ANO3: variants seen among roughly 807,000 people sequenced by gnomAD.
The protein encoded by ANO3 is anoctamin-3.
In ANO3, 99 loss-of-function variants were observed where a neutral mutation model predicts 144.8. That is an observed-to-expected ratio of 0.68 (90% CI 0.58 to 0.81). The LOEUF (loss-of-function observed/expected upper bound fraction) is 0.81. Among genes scored for constraint, ANO3 ranks in the 30% least tolerant of loss-of-function variants. The probability of loss-of-function intolerance (pLI) is 0.00; values close to 1 mark genes in which losing one functional copy is unlikely to be tolerated. For missense variants in ANO3, 905 were observed against 1,202.2 expected (o/e 0.75, Z 3.66); for synonymous variants, 414 against 392.6 (o/e 1.05, Z -0.64).
chr11:26,387,608 A>G (rs944804690), intron 1 of ANO3, among the ~76,000 whole-genome samples: 8 of 151,712 alleles, frequency 5.3e-5, no homozygotes, highest in Admixed American at 1.3e-4. Flanking sequence ...TATGTCCTGT[A>G]TGTTATTTTT....
chr11:26,595,588 T>G (rs1851600441), intron 14 of ANO3, among the ~76,000 whole-genome samples: 1 of 149,208 alleles, frequency 6.7e-6, no homozygotes, highest in South Asian at 2.2e-4. Flanking sequence ...CACAAGAGTC[T>G]CCCTATCAAT....
rs913955227 is a variant in ANO3 at position 26,363,436 on chromosome 11, C to T, written c.46+31115C>T. Among the ~76,000 whole-genome samples, 8 of 150,548 alleles carry T rather than the reference C, an allele frequency of 5.3e-5. No homozygotes were observed. The East Asian group carries it at 9.7e-4, about 18-fold the overall frequency. On this transcript the variant is annotated intron_variant, in intron 1 of 26. Transcript: ENST00000256737. ...TTTCTCTGGGGGCCTCTCTCCTTGA[C>T]GTGCAGATGCCTCTTGTCTTGTCAT...
At chr11:26,649,289 G>A (rs933300066) in intron 24 of ANO3, among the ~76,000 whole-genome samples, 13 of 152,068 alleles carry the variant, frequency 8.5e-5, no homozygotes, top group African/African-American at 3.1e-4. Flanking sequence ...AGTAGAATCT[G>A]ACTTTTTTGA....
At chr11:26,348,948 T>C (rs1390098357) in intron 1 of ANO3, among the ~76,000 whole-genome samples, 2 of 152,166 alleles carry the variant, frequency 1.3e-5, no homozygotes, top group Admixed American at 6.5e-5. Flanking sequence ...AAGGTTGTGG[T>C]TGATGTTGTG....
intron 8 of ANO3, among the ~76,000 whole-genome samples, chr11:26,534,224 T>C (rs1462529159): frequency 1.3e-5 from 2 of 152,242 alleles, no homozygotes. Context: ...CCTTGTTCCA[T>C]GTGAAATAAG....
At chr11:26,537,483 C>T (rs369057298) in intron 10 of ANO3, 22 bp downstream of exon 10, 26 of 1,599,596 alleles carry the variant, frequency 1.6e-5, no homozygotes, top group Admixed American at 8.3e-5. Context: ...ATACAGTTTC[C>T]GCTTTATAAA....
intron 17 of ANO3, among the ~76,000 whole-genome samples, chr11:26,615,414 A>ATTTTTTT (rs66840659): frequency 2.3e-5 from 3 of 130,696 alleles, no homozygotes; most frequent in African/African-American, 8.9e-5. Context: ...ATATATATAT[A>ATTTTTTT]TTTTTTTTTT....
intron 1 of ANO3, among the ~76,000 whole-genome samples, chr11:26,204,703 G>A (rs957602572): frequency 3.7e-4 from 56 of 152,122 alleles, no homozygotes; most frequent in Non-Finnish European, 3.2e-4. Context: ...GAGGTGTATG[G>A]CGTATACAGC....
intron 4 of ANO3, among the ~76,000 whole-genome samples, chr11:26,506,459 A>T (rs1202421326): frequency 1.3e-5 from 2 of 152,236 alleles, no homozygotes; most frequent in South Asian, 2.1e-4. Context: ...TGCATAGTAC[A>T]TAGTAAGTAT....
intron 1 of ANO3, among the ~76,000 whole-genome samples, chr11:26,356,144 T>C (rs939376857): frequency 2.0e-5 from 3 of 152,172 alleles, no homozygotes; most frequent in Non-Finnish European, 4.4e-5. Context: ...ATTCCACTCA[T>C]CTATATATTC....
At chr11:26,402,119 T>C (rs1565003879) in intron 1 of ANO3, among the ~76,000 whole-genome samples, 1 of 152,074 alleles carries the variant, frequency 6.6e-6, no homozygotes, top group African/African-American at 2.4e-5. Flanking sequence ...CATGCGTATG[T>C]CTTTATATTA....
intron 1 of ANO3, among the ~76,000 whole-genome samples, chr11:26,263,330 G>A (rs1197720738): frequency 6.6e-6 from 1 of 152,178 alleles, no homozygotes; most frequent in Non-Finnish European, 1.5e-5. Flanking sequence ...AGAAACCAGA[G>A]GATTTACCTT....
At position 26,391,151 on chromosome 11, in the gene ANO3, T is replaced by G. The variant is rs190754218; in HGVS notation, c.47-50767T>G. ...TCTTACAGTTCTGAAGACTAGGAAG[T>G]CCAAGGTCAAGAAGCTACATCTAAT... On this transcript the variant is annotated intron_variant, in intron 1 of 26. Transcript: ENST00000256737. Among the ~76,000 whole-genome samples, 307 of 152,134 alleles carry G rather than the reference T, an allele frequency of 2.0e-3. 6 individuals carry two copies. The highest frequency in any genetic ancestry group is 0.017 in the Admixed American group (261 of 15,252).
chr11:26,311,880 A>T (rs1420903755), intron 1 of ANO3, among the ~76,000 whole-genome samples: 5 of 152,118 alleles, frequency 3.3e-5, no homozygotes, highest in Non-Finnish European at 7.4e-5. Flanking sequence ...TTTAAGTTCT[A>T]GGGTACATGT....
intron 4 of ANO3, among the ~76,000 whole-genome samples, chr11:26,504,647 A>G (rs1861341982): frequency 6.6e-6 from 1 of 152,172 alleles, no homozygotes. Context: ...TCTAGAGGAG[A>G]GGAGTTACAT....
At position 26,531,456 on chromosome 11, in the gene ANO3, GTA is replaced by G. The variant is rs897426516; in HGVS notation, c.869+122_869+123del. ...CAAATACGTCAGAGAACTTATCATT[GTA>G]TTAAAATACACACTTAACTTATAAA... is the stretch of plus-strand genomic sequence containing the variant. On this transcript the variant is annotated intron_variant, in intron 8 of 26. Transcript: ENST00000256737. 8.9e-4 allele frequency: 1,031 copies of G among 1,159,020 alleles called. 16 individuals carry two copies. The highest frequency in any genetic ancestry group is 4.1e-4 in the Middle Eastern group (2 of 4,898). The allele number at this position is 1,159,020 out of a possible 1,614,324, so 71.8% of individuals were successfully genotyped here.
intron 1 of ANO3, among the ~76,000 whole-genome samples, chr11:26,241,343 G>A (rs1267748171): frequency 6.6e-6 from 1 of 152,090 alleles, no homozygotes; most frequent in East Asian, 1.9e-4. Flanking sequence ...TGACAACTCT[G>A]GATTTAGACA....
intron 20 of ANO3, among the ~76,000 whole-genome samples, chr11:26,635,800 A>G (rs1036927538): frequency 1.3e-5 from 2 of 152,198 alleles, no homozygotes; most frequent in African/African-American, 4.8e-5. Flanking sequence ...CATAACAAAT[A>G]TTTTATCTTT....
chr11:26,294,556 C>T (rs1220234637), intron 1 of ANO3, among the ~76,000 whole-genome samples: 1 of 152,104 alleles, frequency 6.6e-6, no homozygotes, highest in Admixed American at 6.6e-5. Context: ...CATTACTGCT[C>T]TCCAAGTGAA....
Sources: allele counts gnomAD v4.1 joint callset (sites outside exome capture counted in the v4.1 genomes callset), GRCh38; gene constraint gnomAD v4.1.1; transcripts MANE v1.5; gene names NCBI Gene and HGNC (gene_info 2026-07-23, HGNC 2026-07-21).